BCR: variants seen among roughly 807,000 people sequenced by gnomAD.
The protein encoded by BCR is BCR activator of RhoGEF and GTPase, also known as breakpoint cluster region protein.
Under a neutral mutation model 138.6 loss-of-function variants are expected in BCR, and 58 were observed. That is an observed-to-expected ratio of 0.42 (90% confidence interval 0.34 to 0.52). The LOEUF (loss-of-function observed/expected upper bound fraction) is 0.52, where lower values mean the gene tolerates loss of function less well. Ranked by LOEUF, BCR falls within the 20% of genes least tolerant of loss-of-function variation. The pLI, the probability that BCR is intolerant of heterozygous loss-of-function variation, is 0.06. For synonymous variants in BCR, 786 were observed against 730.1 expected (o/e 1.08, Z -1.23); for missense variants, 1,599 against 1,727.2 (o/e 0.93, Z 1.32).
chr22:23,296,019 G>A (rs2073841228), intron 16 of BCR, among the ~76,000 whole-genome samples: 1 of 152,114 alleles, frequency 6.6e-6, no homozygotes, highest in Non-Finnish European at 1.5e-5. Flanking sequence ...TAGAAGCACA[G>A]GGCTCCTCAG....
At chr22:23,204,424 C>A (rs560623660) in intron 1 of BCR, among the ~76,000 whole-genome samples, 39 of 141,604 alleles carry the variant, frequency 2.8e-4, no homozygotes, top group Admixed American at 4.0e-4. Flanking sequence ...TCATGTTGCT[C>A]TGAGTTCCCA....
chr22:23,206,508 C>T lies in BCR; in HGVS notation c.1279+24269C>T, dbSNP rs9624057. On this transcript the variant is annotated intron_variant, in intron 1 of 22. Transcript: ENST00000305877. ...AGGAGAATGGCATGAACCCAGGAGG[C>T]GGAGCTTGCAGTGAGCCGAGATTGT... 4.7e-3 allele frequency among the ~76,000 whole-genome samples: 705 copies of T among 150,038 alleles called. 6 individuals carry two copies. The highest frequency in any genetic ancestry group is 0.017 in the African/African-American group (667 of 40,258).
rs762360595 is a variant in BCR, at chr22:23,266,810, A to G, written c.1753-1598A>G. Among the ~76,000 whole-genome samples, 9 of 152,248 alleles carry G rather than the reference A, an allele frequency of 5.9e-5. 1 individual carries two copies. The highest frequency in any genetic ancestry group is 1.0e-4 in the Non-Finnish European group (7 of 68,050). On this transcript the variant is annotated intron_variant, in intron 4 of 22. Coordinates refer to ENST00000305877, the MANE Select transcript of BCR (RefSeq NM_004327.4). ...GTGCTTCTCAGTGCATCAGATCCGG[A>G]GGCACATTTTTGATTAGTGAAAAAT...
rs1308475566 is a variant in BCR at position 23,180,901 on chromosome 22, C to T, written c.-60C>T. On this transcript the variant is annotated 5_prime_UTR_variant, in exon 1 of 23. Coordinates refer to ENST00000305877, the MANE Select transcript of BCR (RefSeq NM_004327.4). Reference sequence around the variant, plus strand: ...CCGGGGCCGGGCTGGCGAGGCGCCGCGCCGCCGCTGAGACGGGCCCCGCGC... The same window carrying T: ...CCGGGGCCGGGCTGGCGAGGCGCCGTGCCGCCGCTGAGACGGGCCCCGCGC... The T allele has an allele frequency of 2.0e-6, 2 of 1,005,156 alleles. No individual in the cohort carries two copies. Among genetic ancestry groups the T allele is most frequent in the Admixed American group, 6.0e-5 (1 of 16,532 alleles). The allele number at this position is 1,005,156 out of a possible 1,614,324, so 62.3% of individuals were successfully genotyped here. A position where few individuals can be genotyped will look rare whatever the true frequency, so the allele number is the denominator to read the frequency against.
chr22:23,280,760 C>T (rs1320054010), intron 8 of BCR, among the ~76,000 whole-genome samples: 1 of 152,230 alleles, frequency 6.6e-6, no homozygotes, highest in African/African-American at 2.4e-5. Flanking sequence ...TTCAAGAAGA[C>T]AGGTGGCGTT....
At chr22:23,276,419 AAAAG>A (rs1259336039) in intron 8 of BCR, among the ~76,000 whole-genome samples, 1 of 151,984 alleles carries the variant, frequency 6.6e-6, no homozygotes, top group East Asian at 1.9e-4. Context: ...AAAAAAAAAA[AAAAG>A]GGCTGGTTGC....
At position 23,315,867 on chromosome 22, in the gene BCR, T is replaced by C; in HGVS notation, c.*345T>C. 1 of 435,682 alleles carries C rather than the reference T, an allele frequency of 2.3e-6. No homozygotes were observed. Among genetic ancestry groups the C allele is most frequent in the South Asian group, 2.1e-5 (1 of 48,032 alleles). The allele number at this position is 435,682 out of a possible 1,614,324, so 27.0% of individuals were successfully genotyped here. A position where few individuals can be genotyped will look rare whatever the true frequency, so the allele number is the denominator to read the frequency against. ...GTCTAAAAGATTTCTACTGGATCACTTGTCAAGATGCGCCCTCTCTGGGGA... is the reference window on the plus strand; with the variant it reads ...GTCTAAAAGATTTCTACTGGATCACCTGTCAAGATGCGCCCTCTCTGGGGA... On this transcript the variant is annotated 3_prime_UTR_variant, in exon 23 of 23. Transcript: ENST00000305877.
intron 4 of BCR, among the ~76,000 whole-genome samples, chr22:23,267,067 G>A (rs2073451034): frequency 6.6e-6 from 1 of 152,088 alleles, no homozygotes; most frequent in Non-Finnish European, 1.5e-5. Context: ...TTGCTTGTGT[G>A]TGTTCATGCA....
Position 23,180,629 on chromosome 22 carries a change from GAGGCGAGGAGCGCGCGGGC to G in BCR, c.-331_-313del, listed in dbSNP as rs1382695934. Reference sequence around the variant, plus strand: ...GGGCTGTGGGGCGGTGCGGAAGCGAGAGGCGAGGAGCGCGCGGGCCGTGGCCAGAGTCTGGCGGCGGCCT... The same window carrying G: ...GGGCTGTGGGGCGGTGCGGAAGCGAGCGTGGCCAGAGTCTGGCGGCGGCCT... On this transcript the variant is annotated 5_prime_UTR_variant, in exon 1 of 23. Coordinates refer to ENST00000305877, the MANE Select transcript of BCR (RefSeq NM_004327.4). The G allele has an allele frequency of 8.9e-5, 15 of 167,608 alleles. No homozygotes were observed. The allele number at this position is 167,608 out of a possible 1,614,324, so 10.4% of individuals were successfully genotyped here. A position where few individuals can be genotyped will look rare whatever the true frequency, so the allele number is the denominator to read the frequency against.
intron 1 of BCR, among the ~76,000 whole-genome samples, chr22:23,244,609 C>T (rs911294347): frequency 6.6e-6 from 1 of 152,188 alleles, no homozygotes; most frequent in Non-Finnish European, 1.5e-5. Flanking sequence ...CCATGGATTC[C>T]GCTGGCTCCC....
intron 16 of BCR, among the ~76,000 whole-genome samples, chr22:23,303,049 C>T (rs987106018): frequency 3.3e-5 from 5 of 150,548 alleles, no homozygotes; most frequent in Non-Finnish European, 7.4e-5. Context: ...CAATTTAATT[C>T]ACCTGTGAGA....
chr22:23,282,108 G>A (rs1175343629), intron 8 of BCR, among the ~76,000 whole-genome samples: 1 of 152,234 alleles, frequency 6.6e-6, no homozygotes, highest in Non-Finnish European at 1.5e-5. Flanking sequence ...CCTTGGCCGG[G>A]AGGCCCTTTG....
In BCR at chr22:23,311,631, C is replaced by G. The variant is rs2074008826; in HGVS notation, c.3183-66C>G. Reference sequence around the variant, plus strand: ...CACCTCCGGGTGTGCAGATATGGAGCAGGTCTCCTGTGTTATGGCCCAAGC... The same window carrying G: ...CACCTCCGGGTGTGCAGATATGGAGGAGGTCTCCTGTGTTATGGCCCAAGC... On this transcript the variant is annotated intron_variant, in intron 18 of 22. Coordinates refer to ENST00000305877, the MANE Select transcript of BCR (RefSeq NM_004327.4). 103 of 1,403,080 alleles carry G rather than the reference C, an allele frequency of 7.3e-5. 1 individual carries two copies. In the South Asian group the frequency reaches 1.2e-3, roughly 17 times the overall value. 86.9% of individuals were successfully genotyped at this position (1,403,080 alleles called of 1,614,324 possible).
Position 23,180,952 on chromosome 22 carries a change from G to T in BCR, c.-9G>T. The T allele has an allele frequency of 1.5e-6, 2 of 1,294,022 alleles. No homozygotes were observed. The highest frequency in any genetic ancestry group is 2.0e-6 in the Non-Finnish European group (2 of 1,002,102). The allele number at this position is 1,294,022 out of a possible 1,614,324, so 80.2% of individuals were successfully genotyped here. On this transcript the variant is annotated 5_prime_UTR_variant, in exon 1 of 23. Coordinates refer to ENST00000305877, the MANE Select transcript of BCR (RefSeq NM_004327.4). ...GCAGCCCGGCGGCGCAGGTAAGGCC[G>T]GCCGCGCCATGGTGGACCCGGTGGG...
intron 1 of BCR, among the ~76,000 whole-genome samples, chr22:23,233,520 G>T (rs968747507): frequency 5.3e-5 from 8 of 152,174 alleles, no homozygotes; most frequent in Non-Finnish European, 1.0e-4. Flanking sequence ...AGGCATGGAG[G>T]CTCGTGCCTG....
At chr22:23,284,674 A>G (rs1388275253) in intron 9 of BCR, among the ~76,000 whole-genome samples, 1 of 152,182 alleles carries the variant, frequency 6.6e-6, no homozygotes. Context: ...GACGCCAGCT[A>G]GATCTGTAGT....
At chr22:23,205,726 A>G (rs2072605291) in intron 1 of BCR, among the ~76,000 whole-genome samples, 1 of 149,218 alleles carries the variant, frequency 6.7e-6, no homozygotes, top group Non-Finnish European at 1.5e-5. Context: ...AACTAATTTT[A>G]TGTTTGTGGC....
chr22:23,244,442 C>G (rs1439168989), intron 1 of BCR, among the ~76,000 whole-genome samples: 2 of 152,174 alleles, frequency 1.3e-5, no homozygotes, highest in Non-Finnish European at 2.9e-5. Flanking sequence ...CTGCCTCCCT[C>G]TCCTCCGTTA....
chr22:23,294,997 G>C (rs777778566), intron 15 of BCR, 27 bp from the exon 16 acceptor site: 1 of 1,612,528 alleles, frequency 6.2e-7, no homozygotes, highest in Non-Finnish European at 8.5e-7. Context: ...GTTCACACTG[G>C]ACTTCCCTTC....
Sources: gnomAD v4.1 joint callset for allele counts (sites outside exome capture counted in the v4.1 genomes callset) on GRCh38, gnomAD v4.1.1 for gene constraint, MANE v1.5 for transcripts, NCBI Gene and HGNC (gene_info 2026-07-23, HGNC 2026-07-21) for gene names.